TRPC4AP: variants seen among roughly 807,000 people sequenced by gnomAD.
The protein encoded by TRPC4AP is transient receptor potential cation channel subfamily C member 4 associated protein.
TRPC4AP carries 45 observed loss-of-function variants against 99.0 expected under a neutral mutation model. The observed-to-expected ratio is 0.45, with a 90% confidence interval of 0.36 to 0.58. TRPC4AP has a LOEUF of 0.58. Among genes scored for constraint, TRPC4AP ranks in the 20% least tolerant of loss-of-function variants. The pLI is 0.00. For missense variants in TRPC4AP, 879 were observed against 985.3 expected (o/e 0.89, Z 1.44); for synonymous variants, 408 against 385.8 (o/e 1.06, Z -0.67).
At position 35,034,016 on chromosome 20, in the gene TRPC4AP, G is replaced by A. The variant is rs1446693137; in HGVS notation, c.1051+1107C>T. 1.3e-3 allele frequency among the ~76,000 whole-genome samples: 68 copies of A among 53,448 alleles called. 26 individuals are homozygous for A. The South Asian group carries it at 0.046, about 36-fold the overall frequency. 35.1% of individuals were successfully genotyped at this position (53,448 alleles called of 152,430 possible). Reference sequence around the variant, plus strand: ...AAAAATTAGCCGGGCGCGGTGGCGGGCGCCTGTAGTCCCAGCTACTCGGGA... The same window carrying A: ...AAAAATTAGCCGGGCGCGGTGGCGGACGCCTGTAGTCCCAGCTACTCGGGA... On this transcript the variant is annotated intron_variant, in intron 8 of 18. Coordinates refer to ENST00000252015, the MANE Select transcript of TRPC4AP (RefSeq NM_015638.3).
chr20:35,007,505 C>CT, intron 14 of TRPC4AP, 45 bp downstream of exon 14: 1 of 1,597,348 alleles, frequency 6.3e-7, no homozygotes, highest in Non-Finnish European at 8.6e-7. Context: ...AACGCGTGGG[C>CT]TGGGGGGAGA....
intron 1 of TRPC4AP, among the ~76,000 whole-genome samples, chr20:35,080,550 A>C (rs1408884776): frequency 1.4e-5 from 2 of 139,086 alleles, no homozygotes; most frequent in Non-Finnish European, 3.0e-5. Context: ...AAAAAAAAAA[A>C]AAAAAACCTA....
At chr20:35,022,958 G>A (rs1238893461) in intron 8 of TRPC4AP, among the ~76,000 whole-genome samples, 1 of 151,596 alleles carries the variant, frequency 6.6e-6, no homozygotes, top group Admixed American at 6.6e-5. Context: ...GGAAGGTGAA[G>A]GTTGCAGTGA....
chr20:35,041,785 C>A (rs1037295037), intron 7 of TRPC4AP, among the ~76,000 whole-genome samples: 1 of 152,226 alleles, frequency 6.6e-6, no homozygotes, highest in Non-Finnish European at 1.5e-5. Flanking sequence ...TCGGCATACA[C>A]AGGCATCCAA....
intron 8 of TRPC4AP, among the ~76,000 whole-genome samples, chr20:35,022,559 A>G (rs988739484): frequency 1.3e-5 from 2 of 152,172 alleles, no homozygotes; most frequent in Non-Finnish European, 2.9e-5. Flanking sequence ...AGGTGAACAG[A>G]TGAATCAGTA....
chr20:35,066,035 T>C (rs1191187749), intron 3 of TRPC4AP, among the ~76,000 whole-genome samples: 1 of 152,204 alleles, frequency 6.6e-6, no homozygotes. Context: ...ATCTTTACTT[T>C]ACTGGAAAAT....
At chr20:35,003,699 G>A in intron 17 of TRPC4AP, 83 bp from the exon 18 acceptor site, 2 of 1,458,476 alleles carry the variant, frequency 1.4e-6, no homozygotes, top group South Asian at 1.2e-5. Context: ...ATCAGGCAGG[G>A]AGGAGAGTGG....
At chr20:35,073,161 T>C (rs1248648626) in intron 2 of TRPC4AP, among the ~76,000 whole-genome samples, 1 of 152,224 alleles carries the variant, frequency 6.6e-6, no homozygotes, top group Non-Finnish European at 1.5e-5. Flanking sequence ...CTCATCAGTT[T>C]AAGAGGATTT....
At chr20:35,090,946 AAG>A in intron 1 of TRPC4AP, among the ~76,000 whole-genome samples, 1 of 158 alleles carries the variant, frequency 6.3e-3, no homozygotes, top group African/African-American at 0.025. Flanking sequence ...ACTTTTTCTA[AAG>A]GTTATGTGCT....
chr20:35,077,632 A>T (rs1318547532), intron 2 of TRPC4AP, among the ~76,000 whole-genome samples: 1 of 152,182 alleles, frequency 6.6e-6, no homozygotes, highest in African/African-American at 2.4e-5. Context: ...CCCAATCATC[A>T]AACCTGGCCC....
At chr20:35,057,466 T>C in intron 4 of TRPC4AP, 48 bp downstream of exon 4, 1 of 1,496,130 alleles carries the variant, frequency 6.7e-7, no homozygotes. Context: ...ACTGCCACCG[T>C]ATCGGCAGGT....
At chr20:35,046,524 T>C (rs2083565400) in intron 6 of TRPC4AP, among the ~76,000 whole-genome samples, 1 of 152,198 alleles carries the variant, frequency 6.6e-6, no homozygotes, top group African/African-American at 2.4e-5. Context: ...AAGGCATATA[T>C]CCTACCCTTT....
intron 17 of TRPC4AP, 22 bp downstream of exon 17, chr20:35,004,436 T>C (rs770807718): frequency 6.3e-7 from 1 of 1,599,890 alleles, no homozygotes; most frequent in East Asian, 2.3e-5. Context: ...TTCCCTGCTG[T>C]GTGTCTGCCG....
At chr20:35,037,648 A>C (rs1279886426) in intron 7 of TRPC4AP, among the ~76,000 whole-genome samples, 1 of 152,266 alleles carries the variant, frequency 6.6e-6, no homozygotes, top group Non-Finnish European at 1.5e-5. Flanking sequence ...AAGTGAAAGA[A>C]ACCAGATTCA....
chr20:35,010,362 G>T, intron 11 of TRPC4AP, 74 bp from the exon 12 acceptor site: 1 of 1,254,024 alleles, frequency 8.0e-7, no homozygotes, highest in Non-Finnish European at 1.2e-6. Context: ...CTAGTGTAGG[G>T]AGTCTCCTGC....
intron 1 of TRPC4AP, among the ~76,000 whole-genome samples, chr20:35,082,334 T>C (rs1298376729): frequency 6.6e-6 from 1 of 152,070 alleles, no homozygotes; most frequent in East Asian, 1.9e-4. Flanking sequence ...AAATAGAACA[T>C]TTGCAAAATG....
rs1227154962 is a variant in TRPC4AP, at chr20:35,003,275, G to A, written c.2265C>T (p.Cys755=). 2.3e-5 allele frequency: 37 copies of A among 1,613,948 alleles called. No homozygotes were observed. The highest frequency in any genetic ancestry group is 2.9e-5 in the Non-Finnish European group (34 of 1,180,020). Residue 755 remains cysteine, a synonymous_variant, in exon 19 of 19, where the codon TGC becomes TGT. Transcript: ENST00000252015. ...KDSTCLENSS[C]ISFSYWKETV... is the part of the protein sequence containing the mutation. ...TCTCCTTCCAGTATGAGAAGCTGAT[G>A]CAGGAGCTCTGGGCAAAGAGGGAGG... is the stretch of plus-strand genomic sequence containing the variant.
intron 3 of TRPC4AP, among the ~76,000 whole-genome samples, chr20:35,067,804 G>A (rs956702936): frequency 1.3e-5 from 2 of 152,160 alleles, no homozygotes; most frequent in African/African-American, 2.4e-5. Context: ...CCACGACAGA[G>A]AAATCTATAG....
At position 35,086,563 on chromosome 20, in the gene TRPC4AP, GTGTGTGTGTGTGTA is replaced by G. The variant is rs1269496843; in HGVS notation, c.168+6037_168+6050del. On this transcript the variant is annotated intron_variant, in intron 1 of 18. Coordinates refer to ENST00000252015, the MANE Select transcript of TRPC4AP (RefSeq NM_015638.3). ...TGTGTGTGTGTGTGTGTGTGTGTGTGTGTGTGTGTGTGTATATATATATGAATAAGACTTTATCC... is the reference window on the plus strand; with the variant it reads ...TGTGTGTGTGTGTGTGTGTGTGTGTGTATATATATGAATAAGACTTTATCC... 8.9e-4 allele frequency among the ~76,000 whole-genome samples: 89 copies of G among 99,546 alleles called. 8 individuals are homozygous for G. The highest frequency in any genetic ancestry group is 3.6e-3 in the African/African-American group (82 of 22,878). The allele number at this position is 99,546 out of a possible 152,430, so 65.3% of individuals were successfully genotyped here.
Sources: allele counts gnomAD v4.1 joint callset (sites outside exome capture counted in the v4.1 genomes callset), GRCh38; gene constraint gnomAD v4.1.1; transcripts MANE v1.5; gene names NCBI Gene and HGNC (gene_info 2026-07-23, HGNC 2026-07-21).